GPR137B: variants seen among roughly 807,000 people sequenced by gnomAD.
GPR137B encodes G protein-coupled receptor 137B.
Under a neutral mutation model 42.5 loss-of-function variants are expected in GPR137B, and 42 were observed. That is an observed-to-expected ratio of 0.99 (90% confidence interval 0.77 to 1.28). The LOEUF (loss-of-function observed/expected upper bound fraction) is 1.28, where lower values mean the gene tolerates loss of function less well. GPR137B is among the 50% of genes most tolerant of loss of function. The pLI is 0.00. For synonymous variants in GPR137B, 218 were observed against 209.7 expected (o/e 1.04, Z -0.34); for missense variants, 487 against 493.9 (o/e 0.99, Z 0.13).
intron 5 of GPR137B, among the ~76,000 whole-genome samples, chr1:236,204,069 T>G (rs1015906665): frequency 1.3e-5 from 2 of 152,214 alleles, no homozygotes; most frequent in Admixed American, 1.3e-4. Flanking sequence ...TGGCTTGTAT[T>G]ATGTTGAGGT....
Position 236,180,047 on chromosome 1 carries a change from G to T in GPR137B, c.837+19G>T. 1.2e-6 allele frequency: 2 copies of T among 1,607,726 alleles called. No homozygotes were observed. The highest frequency in any genetic ancestry group is 1.1e-5 in the South Asian group (1 of 90,922). On this transcript the variant is annotated intron_variant, in intron 4 of 6. Transcript: ENST00000366592. ...AGACCAGGTCAGTGGGGGCGCTGAG[G>T]AGGTGTCACCTGACCAGGGACTCTT... is the stretch of plus-strand genomic sequence containing the variant.
At chr1:236,202,607 A>T (rs531124876) in intron 5 of GPR137B, among the ~76,000 whole-genome samples, 197 of 151,908 alleles carry the variant, frequency 1.3e-3, no homozygotes, top group Middle Eastern at 3.4e-3. Flanking sequence ...TCTTCCCCTC[A>T]AAGTATTTAT....
intron 2 of GPR137B, among the ~76,000 whole-genome samples, chr1:236,173,662 T>TCTTTG (rs1206525350): frequency 6.6e-6 from 1 of 152,158 alleles, no homozygotes; most frequent in African/African-American, 2.4e-5. Context: ...TTGTTTTATT[T>TCTTTG]CTTTGGGTCA....
At chr1:236,203,761 CTAT>C (rs1558497232) in intron 5 of GPR137B, among the ~76,000 whole-genome samples, 1 of 152,008 alleles carries the variant, frequency 6.6e-6, no homozygotes. Context: ...GTATTTGTGG[CTAT>C]TATAAGTGGG....
chr1:236,143,010 A>G lies in GPR137B; in HGVS notation c.388A>G (p.Thr130Ala). 1 of 1,613,070 alleles carries G rather than the reference A, an allele frequency of 6.2e-7. No homozygotes were observed. Among genetic ancestry groups the G allele is most frequent in the Non-Finnish European group, 8.5e-7 (1 of 1,179,766 alleles). Residue 130 changes from threonine to alanine, a missense_variant, in exon 1 of 7, where the codon ACG becomes GCG. Thr to Ala is a moderately conservative substitution (Grantham distance 58). Coordinates refer to ENST00000366592, the MANE Select transcript of GPR137B (RefSeq NM_003272.4). The stretch of plus-strand genomic sequence containing the variant: ...TGTGTGCCTGCAGTTTTTCACCCTC[A>G]CGCTGATGAACTTGTACTTCACGCA... ...FPVCLQFFTL[T>A]LMNLYFTQVI... is the part of the protein sequence containing the mutation.
intron 1 of GPR137B, among the ~76,000 whole-genome samples, chr1:236,157,343 T>C (rs1662061436): frequency 6.6e-6 from 1 of 151,786 alleles, no homozygotes; most frequent in Non-Finnish European, 1.5e-5. Context: ...CCTGCCTCAG[T>C]CTCCCCAGTG....
rs1662541123 is a variant in GPR137B at position 236,171,713 on chromosome 1, A to G, written c.464+2958A>G. Among the ~76,000 whole-genome samples, 1 of 152,196 alleles carries G rather than the reference A, an allele frequency of 6.6e-6. No homozygotes were observed. The highest frequency in any genetic ancestry group is 1.5e-5 in the Non-Finnish European group (1 of 68,046). On this transcript the variant is annotated intron_variant, in intron 2 of 6. Coordinates refer to ENST00000366592, the MANE Select transcript of GPR137B (RefSeq NM_003272.4). This position sits in a 1 kb window ranked among gnomAD's most constrained non-coding sequence, Gnocchi z 4.4. ...AGGGATTCACAGAAATGAAGGGAGAAGATGGGGAGAAATAAATTTGGATCC... is the reference window on the plus strand; with the variant it reads ...AGGGATTCACAGAAATGAAGGGAGAGGATGGGGAGAAATAAATTTGGATCC...
intron 1 of GPR137B, among the ~76,000 whole-genome samples, chr1:236,166,480 A>T (rs926397856): frequency 5.2e-5 from 7 of 135,274 alleles, no homozygotes; most frequent in Non-Finnish European, 1.0e-4. Flanking sequence ...TACATTATAT[A>T]TATTTATATA....
chr1:236,166,116 A>C (rs1662345053), intron 1 of GPR137B, among the ~76,000 whole-genome samples: 1 of 152,194 alleles, frequency 6.6e-6, no homozygotes, highest in African/African-American at 2.4e-5. Context: ...AAAATTCTGT[A>C]GTTTCTTCTT....
intron 1 of GPR137B, among the ~76,000 whole-genome samples, chr1:236,148,621 G>C (rs1385777046): frequency 6.6e-6 from 1 of 152,170 alleles, no homozygotes; most frequent in East Asian, 1.9e-4. Flanking sequence ...GACATTTATC[G>C]GGGTCTGGTC....
At chr1:236,157,653 CAG>C (rs941554042) in intron 1 of GPR137B, among the ~76,000 whole-genome samples, 4 of 152,196 alleles carry the variant, frequency 2.6e-5, no homozygotes, top group African/African-American at 9.7e-5. Context: ...CAAGTATGCT[CAG>C]AGCCCCACAT....
chr1:236,143,166 C>T (rs1299600363), intron 1 of GPR137B, 130 bp downstream of exon 1: 10 of 751,052 alleles, frequency 1.3e-5, no homozygotes, highest in South Asian at 1.8e-5. Flanking sequence ...GAGAAGGCGC[C>T]GGCTCTGGGG....
chr1:236,208,409 A>G lies in GPR137B; in HGVS notation c.*251A>G. 9.3e-7 allele frequency: 1 copy of G among 1,072,276 alleles called. No homozygotes were observed. The highest frequency in any genetic ancestry group is 1.2e-6 in the Non-Finnish European group (1 of 838,400). The allele number at this position is 1,072,276 out of a possible 1,614,324, so 66.4% of individuals were successfully genotyped here. A position where few individuals can be genotyped will look rare whatever the true frequency, so the allele number is the denominator to read the frequency against. On this transcript the variant is annotated 3_prime_UTR_variant, in exon 7 of 7. Transcript: ENST00000366592. ...TTAAAGAAAATCTGTACTTTTATAA[A>G]GATGTATTTTGTATAACTTAAATAA...
intron 5 of GPR137B, among the ~76,000 whole-genome samples, chr1:236,197,407 TATCTTAG>T (rs1663370751): frequency 6.6e-6 from 1 of 152,234 alleles, no homozygotes; most frequent in East Asian, 1.9e-4. Context: ...CCCATGTATT[TATCTTAG>T]TTTTTGTTTT....
At chr1:236,153,839 C>T (rs563403182) in intron 1 of GPR137B, among the ~76,000 whole-genome samples, 2 of 152,188 alleles carry the variant, frequency 1.3e-5, no homozygotes, top group African/African-American at 4.8e-5. Flanking sequence ...GTTTTTGCTG[C>T]TATTTAAATG....
At chr1:236,178,738 C>T (rs1231380202) in intron 3 of GPR137B, 102 bp downstream of exon 3, 5 of 577,040 alleles carry the variant, frequency 8.7e-6, no homozygotes, top group Admixed American at 5.0e-5. Context: ...CTTGATTTTG[C>T]CTTGACTTTC....
chr1:236,156,206 C>G lies in GPR137B; in HGVS notation c.415-12500C>G, dbSNP rs1021839037. Among the ~76,000 whole-genome samples, 2 of 152,290 alleles carry G rather than the reference C, an allele frequency of 1.3e-5. No homozygotes were observed. Among genetic ancestry groups the G allele is most frequent in the South Asian group, 2.1e-4 (1 of 4,810 alleles). Reference sequence around the variant, plus strand: ...GGGGCCCACATTCCAAGGGCCAGCACGAGGCCAGGAGCAGGCAGGACCAGC... The same window carrying G: ...GGGGCCCACATTCCAAGGGCCAGCAGGAGGCCAGGAGCAGGCAGGACCAGC... On this transcript the variant is annotated intron_variant, in intron 1 of 6. Transcript: ENST00000366592. The surrounding 1 kb of genome is among the most constrained non-coding windows in gnomAD (Gnocchi z 4.8).
chr1:236,148,051 T>A (rs1244346903), intron 1 of GPR137B, among the ~76,000 whole-genome samples: 3 of 152,204 alleles, frequency 2.0e-5, no homozygotes, highest in Non-Finnish European at 4.4e-5. Flanking sequence ...CCCGGCTGCA[T>A]GAGGAAGTGG....
At chr1:236,173,972 A>ATAG (rs2023612788) in intron 2 of GPR137B, among the ~76,000 whole-genome samples, 1 of 152,194 alleles carries the variant, frequency 6.6e-6, no homozygotes, top group Non-Finnish European at 1.5e-5. Flanking sequence ...TTTTGTGAAT[A>ATAG]TAGACATGTG....
Sources: allele counts gnomAD v4.1 joint callset (sites outside exome capture counted in the v4.1 genomes callset), GRCh38; gene constraint gnomAD v4.1.1; non-coding constraint Gnocchi (gnomAD v3.1); transcripts MANE v1.5; gene names NCBI Gene and HGNC (gene_info 2026-07-23, HGNC 2026-07-21).